Variants in NELL1 observed in about 807,000 individuals in gnomAD.
NELL1 encodes protein kinase C-binding protein NELL1.
NELL1 carries 76 observed loss-of-function variants against 107.4 expected under a neutral mutation model. The ratio of observed to expected loss-of-function variants is 0.71; its 90% CI spans 0.59 to 0.86. The LOEUF is 0.86. Among genes scored for constraint, NELL1 ranks in the 40% least tolerant of loss-of-function variants. NELL1 has a pLI of 0.00. For missense variants in NELL1, 1,024 were observed against 1,005.5 expected (o/e 1.02, Z -0.25); for synonymous variants, 353 against 341.2 (o/e 1.03, Z -0.38).
intron 3 of NELL1, among the ~76,000 whole-genome samples, chr11:20,805,182 C>T (rs193166359): frequency 6.6e-6 from 1 of 151,952 alleles, no homozygotes; most frequent in Admixed American, 6.5e-5. Context: ...AAGTGTGTTT[C>T]TTGTAGGCAA....
chr11:21,446,757 A>T (rs1239938837), intron 15 of NELL1, among the ~76,000 whole-genome samples: 1 of 152,190 alleles, frequency 6.6e-6, no homozygotes, highest in Non-Finnish European at 1.5e-5. Context: ...CCCAAGGCTC[A>T]CTGTAACCAC....
chr11:21,248,472 T>C (rs1382128209), intron 14 of NELL1, among the ~76,000 whole-genome samples: 4 of 152,162 alleles, frequency 2.6e-5, no homozygotes, highest in African/African-American at 7.2e-5. Flanking sequence ...TTTTGGGTGA[T>C]GGCAAGAAAT....
At chr11:21,471,366 C>A (rs1044263458) in intron 15 of NELL1, among the ~76,000 whole-genome samples, 1 of 152,038 alleles carries the variant, frequency 6.6e-6, no homozygotes, top group Non-Finnish European at 1.5e-5. Flanking sequence ...ACCACTAGAA[C>A]ATGCTTTAAT....
At chr11:21,103,148 G>A (rs911810987) in intron 12 of NELL1, among the ~76,000 whole-genome samples, 3 of 152,126 alleles carry the variant, frequency 2.0e-5, no homozygotes, top group Non-Finnish European at 2.9e-5. Flanking sequence ...CCTGCTCATA[G>A]GTCCACAGGC....
chr11:20,837,127 G>A (rs1848546565), intron 3 of NELL1, among the ~76,000 whole-genome samples: 2 of 152,092 alleles, frequency 1.3e-5, no homozygotes, highest in African/African-American at 4.8e-5. Flanking sequence ...AAGGCGGAAG[G>A]AACTGTATAT....
chr11:21,347,177 C>T (rs957808304), intron 14 of NELL1, among the ~76,000 whole-genome samples: 3 of 152,022 alleles, frequency 2.0e-5, no homozygotes, highest in African/African-American at 7.2e-5. Flanking sequence ...GAGGAGTTGA[C>T]ATTTGAGTGG....
chr11:20,972,132 G>C (rs1037334240), intron 12 of NELL1, among the ~76,000 whole-genome samples: 1 of 151,958 alleles, frequency 6.6e-6, no homozygotes. Flanking sequence ...AACCACCATG[G>C]CATATGTATA....
intron 12 of NELL1, among the ~76,000 whole-genome samples, chr11:20,990,333 GAA>G (rs1851945410): frequency 6.6e-6 from 1 of 152,122 alleles, no homozygotes; most frequent in South Asian, 2.1e-4. Context: ...TCTTACTGCT[GAA>G]GTCTCCTCAC....
intron 15 of NELL1, among the ~76,000 whole-genome samples, chr11:21,471,872 GCTT>G (rs1854192335): frequency 6.6e-6 from 1 of 151,954 alleles, no homozygotes; most frequent in Non-Finnish European, 1.5e-5. Flanking sequence ...GTATATTTTG[GCTT>G]CTAATTGTGT....
At chr11:20,947,469 T>C in intron 11 of NELL1, 34 bp downstream of exon 11, 2 of 1,506,356 alleles carry the variant, frequency 1.3e-6, no homozygotes, top group Non-Finnish European at 1.8e-6. Context: ...ATGCGTGGGG[T>C]GAGGCTGGGG....
At chr11:21,370,626 C>T (rs1467589066) in intron 14 of NELL1, among the ~76,000 whole-genome samples, 1 of 152,056 alleles carries the variant, frequency 6.6e-6, no homozygotes, top group African/African-American at 2.4e-5. Flanking sequence ...CGCATGCCAG[C>T]CCTATGCTAA....
At chr11:20,895,045 G>A (rs1849696764) in intron 5 of NELL1, among the ~76,000 whole-genome samples, 1 of 142,942 alleles carries the variant, frequency 7.0e-6, no homozygotes, top group Non-Finnish European at 1.5e-5. Context: ...GCCGAGGCGG[G>A]CGGATCACGA....
chr11:20,671,035 A>G (rs554680171), intron 1 of NELL1: 1 of 152,392 alleles, frequency 6.6e-6, no homozygotes, highest in East Asian at 1.9e-4. Flanking sequence ...GGCCCTTCCC[A>G]CTTCCCCAGG....
chr11:21,411,878 C>A (rs1330715775), intron 15 of NELL1, among the ~76,000 whole-genome samples: 1 of 151,998 alleles, frequency 6.6e-6, no homozygotes. Context: ...TAAGTGTTGG[C>A]TGTGAGATTT....
intron 14 of NELL1, among the ~76,000 whole-genome samples, chr11:21,245,043 G>T (rs1200503614): frequency 1.3e-5 from 2 of 152,150 alleles, no homozygotes; most frequent in East Asian, 1.9e-4. Context: ...CCATGCTTAA[G>T]ATCCTGCCAT....
chr11:21,292,546 A>T (rs564952999), intron 14 of NELL1, among the ~76,000 whole-genome samples: 1 of 152,192 alleles, frequency 6.6e-6, no homozygotes, highest in African/African-American at 2.4e-5. Flanking sequence ...TAAAGCTACC[A>T]TTGACTTTCT....
At chr11:21,024,581 A>C (rs1307730127) in intron 12 of NELL1, among the ~76,000 whole-genome samples, 1 of 152,138 alleles carries the variant, frequency 6.6e-6, no homozygotes, top group East Asian at 1.9e-4. Context: ...GCTTACAAGA[A>C]TGCCTGGCAT....
chr11:20,872,979 A>G (rs1849232778), intron 4 of NELL1, among the ~76,000 whole-genome samples: 1 of 152,160 alleles, frequency 6.6e-6, no homozygotes, highest in Non-Finnish European at 1.5e-5. Context: ...AAGACCTTCA[A>G]TGTCCTTTCC....
chr11:21,050,015 T>C (rs1853453603), intron 12 of NELL1, among the ~76,000 whole-genome samples: 1 of 152,152 alleles, frequency 6.6e-6, no homozygotes, highest in African/African-American at 2.4e-5. Context: ...AAGCGTTAGT[T>C]TGACAACTGA....
Sources: allele counts gnomAD v4.1 joint callset (sites outside exome capture counted in the v4.1 genomes callset), GRCh38; gene constraint gnomAD v4.1.1; transcripts MANE v1.5; gene names NCBI Gene and HGNC (gene_info 2026-07-23, HGNC 2026-07-21).